The following TBC1D30 variants were observed in gnomAD, a reference collection of about 807,000 sequenced individuals.
The protein encoded by TBC1D30 is TBC1 domain family member 30.
A neutral mutation model predicts 63.2 loss-of-function variants in TBC1D30; 31 were observed. That is an observed-to-expected ratio of 0.49 (90% CI 0.37 to 0.66). The LOEUF is 0.66. Ranked by LOEUF, TBC1D30 falls within the 30% of genes least tolerant of loss-of-function variation. TBC1D30 has a pLI of 0.00. For missense variants in TBC1D30, 810 were observed against 953.6 expected (o/e 0.85, Z 1.98); for synonymous variants, 307 against 361.5 (o/e 0.85, Z 1.71).
chr12:64,818,350 G>A (rs1873678922), intron 2 of TBC1D30: 3 of 946,294 alleles, frequency 3.2e-6, no homozygotes, highest in African/African-American at 3.5e-5. Context: ...AGCAAGAATG[G>A]TATCTCTCCA....
At chr12:64,805,061 G>A (rs1156231341) in intron 2 of TBC1D30, among the ~76,000 whole-genome samples, 2 of 152,016 alleles carry the variant, frequency 1.3e-5, no homozygotes, top group Non-Finnish European at 2.9e-5. Context: ...AATGAGTTGG[G>A]CTTGGTGGCG....
chr12:64,826,692 T>C (rs1874385140), intron 1 of TBC1D30, among the ~76,000 whole-genome samples: 2 of 152,094 alleles, frequency 1.3e-5, no homozygotes, highest in Admixed American at 1.3e-4. Context: ...AAAAAACTTA[T>C]CTATCCAGGC....
chr12:64,775,213 A>C (rs895124025), intron 1 of TBC1D30, among the ~76,000 whole-genome samples: 1 of 152,094 alleles, frequency 6.6e-6, no homozygotes, highest in Admixed American at 6.6e-5. Flanking sequence ...TAAAACAACT[A>C]CATAAACCAG....
chr12:64,857,574 G>T (rs1199394530), intron 8 of TBC1D30, among the ~76,000 whole-genome samples: 1 of 152,040 alleles, frequency 6.6e-6, no homozygotes, highest in African/African-American at 2.4e-5. Context: ...GATGGCGCAA[G>T]CCCTCCCATA....
intron 10 of TBC1D30, among the ~76,000 whole-genome samples, chr12:64,868,928 A>G (rs543541122): frequency 6.6e-6 from 1 of 152,214 alleles, no homozygotes; most frequent in South Asian, 2.1e-4. Context: ...TAATTTGGTA[A>G]TGTTCCCCTT....
intron 5 of TBC1D30, among the ~76,000 whole-genome samples, chr12:64,834,853 GATA>G (rs951345951): frequency 2.6e-5 from 4 of 151,398 alleles, no homozygotes; most frequent in African/African-American, 9.7e-5. Flanking sequence ...GAATTAGTAT[GATA>G]ATTGAAGAAT....
chr12:64,859,005 T>C (rs1877550385), intron 8 of TBC1D30, among the ~76,000 whole-genome samples: 1 of 151,628 alleles, frequency 6.6e-6, no homozygotes, highest in African/African-American at 2.4e-5. Flanking sequence ...TACAGAAGAA[T>C]AGGATTTGAC....
intron 8 of TBC1D30, 70 bp downstream of exon 8, chr12:64,843,555 C>T (rs755187775): frequency 8.5e-7 from 1 of 1,183,130 alleles, no homozygotes; most frequent in East Asian, 2.6e-5. Flanking sequence ...AGTGCCAGAG[C>T]AGCGGTCTTG....
rs532215282 is a variant in TBC1D30, at chr12:64,824,946, G to A, written c.67G>A (p.Gly23Ser). ...GAGATGCCTGAAGCGGCAGGGCGGC[G>A]GCGTGGGCACCATCCTGAGCAATGT... ...GGRCLKRQGGGVGTILSNVLK... is the reference protein window; with the variant it reads ...GGRCLKRQGGSVGTILSNVLK... Residue 23 changes from glycine to serine, a missense_variant, in exon 1 of 12, where the codon GGC (glycine) becomes AGC (serine). Gly to Ser is a moderately conservative substitution (Grantham distance 56, BLOSUM62 0). This residue lies in a region of TBC1D30 where 272 missense variants were observed against 335.9 expected (regional missense o/e 0.81). Coordinates refer to ENST00000539867, the MANE Select transcript of TBC1D30 (RefSeq NM_015279.2). 1.3e-6 allele frequency: 2 copies of A among 1,534,734 alleles called. No individual in the cohort carries two copies. The highest frequency in any genetic ancestry group is 2.4e-5 in the South Asian group (2 of 83,932).
chr12:64,819,497 A>G (rs1237088249), intron 2 of TBC1D30, among the ~76,000 whole-genome samples: 1 of 146,892 alleles, frequency 6.8e-6, no homozygotes, highest in African/African-American at 2.5e-5. Context: ...GCTCACTGCA[A>G]GCTCCGCCTC....
intron 5 of TBC1D30, among the ~76,000 whole-genome samples, chr12:64,833,781 G>T (rs1430220440): frequency 6.6e-6 from 1 of 152,172 alleles, no homozygotes; most frequent in Non-Finnish European, 1.5e-5. Context: ...GGGTAGGAGA[G>T]GGAGGAAGGC....
rs1274637232 is a variant in TBC1D30, at chr12:64,878,171, A to G, written c.*2383A>G. 4.8e-6 allele frequency: 1 copy of G among 206,774 alleles called. No homozygotes were observed. The highest frequency in any genetic ancestry group is 2.3e-5 in the African/African-American group (1 of 44,058). 12.8% of individuals were successfully genotyped at this position (206,774 alleles called of 1,614,324 possible). A position where few individuals can be genotyped will look rare whatever the true frequency, so the allele number is the denominator to read the frequency against. The stretch of plus-strand genomic sequence containing the variant: ...GCCTTGTCAGAATTTTGAAAATCCA[A>G]CAGATTCCTATTAAAGCACTCTGTG... On this transcript the variant is annotated 3_prime_UTR_variant, in exon 12 of 12. Coordinates refer to ENST00000539867, the MANE Select transcript of TBC1D30 (RefSeq NM_015279.2).
upstream of TBC1D30, chr12:64,824,626 C>A (rs914265888): frequency 2.5e-6 from 1 of 397,204 alleles, no homozygotes; most frequent in African/African-American, 2.1e-5. Context: ...GCCCTCCCCG[C>A]CTCGAGCGAT....
chr12:64,834,732 G>GA (rs1491502311), intron 5 of TBC1D30, among the ~76,000 whole-genome samples: 13 of 20,998 alleles, frequency 6.2e-4, no homozygotes, highest in Non-Finnish European at 1.4e-3. Context: ...TTTTTTTTTT[G>GA]ATCTAAGATT....
intron 7 of TBC1D30, among the ~76,000 whole-genome samples, chr12:64,841,921 A>G (rs1372054013): frequency 6.6e-6 from 1 of 152,216 alleles, no homozygotes; most frequent in Admixed American, 6.5e-5. Context: ...ACAACACTCC[A>G]GAACCTATGG....
chr12:64,831,603 T>C (rs1483956560), intron 4 of TBC1D30, among the ~76,000 whole-genome samples: 1 of 152,230 alleles, frequency 6.6e-6, no homozygotes, highest in Non-Finnish European at 1.5e-5. Flanking sequence ...GTCTTTCTTA[T>C]ATACATTCAT....
chr12:64,840,027 A>AAAAAAAAAAAAAAAAAAAAC lies in TBC1D30; in HGVS notation c.932+1177_932+1178insAAAAAAAAAAAAAAAAAACA, dbSNP rs1555171793. ...CTCAAAAAAAAAAAAAAAAAAAAAA[A>AAAAAAAAAAAAAAAAAAAAC]ATCCACCAACTATCAATTCAGGGAC... On this transcript the variant is annotated intron_variant, in intron 7 of 11. Transcript: ENST00000539867. 2.1e-5 allele frequency among the ~76,000 whole-genome samples: 3 copies of AAAAAAAAAAAAAAAAAAAAC among 145,810 alleles called. 1 individual carries two copies. Among genetic ancestry groups the AAAAAAAAAAAAAAAAAAAAC allele is most frequent in the African/African-American group, 7.8e-5 (3 of 38,406 alleles).
rs115192795 is a variant in TBC1D30, at chr12:64,868,090, C to G, written c.1291+1187C>G. The G allele has an allele frequency of 2.3e-3, 384 of 166,664 alleles. 2 individuals are homozygous for G. Among genetic ancestry groups the G allele is most frequent in the African/African-American group, 8.4e-3 (354 of 41,912 alleles). The allele number at this position is 166,664 out of a possible 1,614,324, so 10.3% of individuals were successfully genotyped here. A position where few individuals can be genotyped will look rare whatever the true frequency, so the allele number is the denominator to read the frequency against. ...CTGAAGGGTCACAGGAAGTTATTGG[C>G]TTCTTTGAAGCCTTTTCCAACAGTA... On this transcript the variant is annotated intron_variant, in intron 10 of 11. Coordinates refer to ENST00000539867, the MANE Select transcript of TBC1D30 (RefSeq NM_015279.2).
chr12:64,850,550 G>A (rs1256143553), intron 8 of TBC1D30, among the ~76,000 whole-genome samples: 1 of 152,148 alleles, frequency 6.6e-6, no homozygotes, highest in Non-Finnish European at 1.5e-5. Flanking sequence ...TTTTGTCATT[G>A]GTCCTGTTTA....
Sources: allele counts gnomAD v4.1 joint callset (sites outside exome capture counted in the v4.1 genomes callset), GRCh38; gene constraint gnomAD v4.1.1; regional missense constraint gnomAD v4.1.1; transcripts MANE v1.5; gene names NCBI Gene and HGNC (gene_info 2026-07-23, HGNC 2026-07-21).